Variants in ITGAL observed in about 807,000 individuals in gnomAD.
ITGAL encodes the protein integrin subunit alpha L.
In ITGAL, 68 loss-of-function variants were observed where a neutral mutation model predicts 138.4. The observed-to-expected ratio is 0.49, with a 90% CI of 0.40 to 0.60. ITGAL has a LOEUF of 0.60. ITGAL is among the 20% of genes least tolerant of loss of function. The pLI, the probability that ITGAL is intolerant of heterozygous loss-of-function variation, is 0.00. For missense variants in ITGAL, 1,256 were observed against 1,478.6 expected, an observed-to-expected ratio of 0.85 and a Z score of 2.47; for synonymous variants, 561 against 584.3, an observed-to-expected ratio of 0.96 and a Z score of 0.57.
intron 9 of ITGAL, among the ~76,000 whole-genome samples, chr16:30,486,146 T>C (rs2050643583): frequency 6.6e-6 from 1 of 152,202 alleles, no homozygotes; most frequent in Non-Finnish European, 1.5e-5. Flanking sequence ...GACTGAAAGA[T>C]ATGTGATTCC....
intron 4 of ITGAL, among the ~76,000 whole-genome samples, chr16:30,477,725 C>CA (rs755256243): frequency 0.012 from 1,562 of 130,320 alleles, 15 homozygotes; most frequent in Admixed American, 0.015. Flanking sequence ...GCCATCTCTA[C>CA]AAAAAAAAAA....
chr16:30,499,426 A>C lies in ITGAL; in HGVS notation c.2082A>C (p.Glu694Asp), dbSNP rs752831458. The C allele has an allele frequency of 6.2e-7, 1 of 1,613,994 alleles. No individual in the cohort carries two copies. Among genetic ancestry groups the C allele is most frequent in the Non-Finnish European group, 8.5e-7 (1 of 1,180,006 alleles). Reference sequence around the variant, plus strand: ...GGTTGTTCCCAGGAGGGAGACATGAACTCAGAAGGAATATAGCTGTCACCA... The same window carrying C: ...GGTTGTTCCCAGGAGGGAGACATGACCTCAGAAGGAATATAGCTGTCACCA... ...RRGLFPGGRH[E>D]LRRNIAVTTS... Residue 694 changes from glutamate (E) to aspartate (D), a missense_variant, in exon 17 of 31, where the codon GAA (glutamate) becomes GAC (aspartate). Coordinates refer to ENST00000356798, the MANE Select transcript of ITGAL (RefSeq NM_002209.3).
chr16:30,517,777 G>C lies in ITGAL; in HGVS notation c.3034-20G>C. On this transcript the variant is annotated intron_variant, in intron 27 of 30. Transcript: ENST00000356798. ...GTCGGAATGAAGCCGCCCTGACCCC[G>C]CTTTCCTCATCCTTGTCAGCCTTGT... 1 of 1,613,726 alleles carries C rather than the reference G, an allele frequency of 6.2e-7. No individual in the cohort carries two copies. Among genetic ancestry groups the C allele is most frequent in the Non-Finnish European group, 8.5e-7 (1 of 1,179,622 alleles).
intron 4 of ITGAL, among the ~76,000 whole-genome samples, chr16:30,476,571 G>A (rs2050475171): frequency 1.3e-5 from 2 of 151,310 alleles, no homozygotes; most frequent in South Asian, 4.2e-4. Flanking sequence ...GAAAATAATA[G>A]TATGCTCATA....
At chr16:30,505,081 G>A in intron 18 of ITGAL, 163 bp from the exon 19 acceptor site, 1 of 514,374 alleles carries the variant, frequency 1.9e-6, no homozygotes, top group South Asian at 4.5e-5. Context: ...GTAGGCTGAG[G>A]CAGCAGAGTG....
chr16:30,496,355 G>C, intron 14 of ITGAL, 61 bp downstream of exon 14: 1 of 1,608,730 alleles, frequency 6.2e-7, no homozygotes, highest in Non-Finnish European at 8.5e-7. Flanking sequence ...CCCAAGCCCA[G>C]ACCCCACTCC....
intron 2 of ITGAL, 41 bp downstream of exon 2, chr16:30,474,339 T>G: frequency 7.0e-7 from 1 of 1,423,086 alleles, no homozygotes; most frequent in Non-Finnish European, 9.7e-7. Context: ...ATGCCCGCCC[T>G]GGGGCAGCCC....
intron 6 of ITGAL, chr16:30,481,113 C>A: frequency 3.7e-6 from 1 of 267,444 alleles, no homozygotes. Context: ...ACCAGCCTGG[C>A]CAATATGGTG....
rs1009610144 is a variant in ITGAL, at chr16:30,474,332, C to A, written c.164+34C>A. Reference sequence around the variant, plus strand: ...TGCCCCACAAGTCCTCCTCCTGATGCCCGCCCTGGGGCAGCCCCCGAGGCG... The same window carrying A: ...TGCCCCACAAGTCCTCCTCCTGATGACCGCCCTGGGGCAGCCCCCGAGGCG... On this transcript the variant is annotated intron_variant, in intron 2 of 30. Coordinates refer to ENST00000356798, the MANE Select transcript of ITGAL (RefSeq NM_002209.3). 26 of 1,481,170 alleles carry A rather than the reference C, an allele frequency of 1.8e-5. No individual in the cohort carries two copies. In the Middle Eastern group the frequency reaches 5.3e-4, roughly 30 times the overall value. 91.8% of individuals were successfully genotyped at this position (1,481,170 alleles called of 1,614,324 possible).
At position 30,494,990 on chromosome 16, in the gene ITGAL, A is replaced by C. The variant is rs2050779331; in HGVS notation, c.1503+140A>C. 11 of 859,468 alleles carry C rather than the reference A, an allele frequency of 1.3e-5. No homozygotes were observed. Among genetic ancestry groups the C allele is most frequent in the Non-Finnish European group, 1.9e-5 (11 of 570,172 alleles). 53.2% of individuals were successfully genotyped at this position (859,468 alleles called of 1,614,324 possible). On this transcript the variant is annotated intron_variant, in intron 13 of 30. Coordinates refer to ENST00000356798, the MANE Select transcript of ITGAL (RefSeq NM_002209.3). This position sits in a 1 kb window ranked among gnomAD's most constrained non-coding sequence, Gnocchi z 4.2. ...GACAGAGAGGCAATAGCAAATCCTC[A>C]CTGGGGAAAGACTGTATGCAGGGTC... is the stretch of plus-strand genomic sequence containing the variant.
intron 15 of ITGAL, among the ~76,000 whole-genome samples, 190 bp downstream of exon 15, chr16:30,496,756 C>T (rs999027031): frequency 1.3e-5 from 2 of 151,826 alleles, no homozygotes; most frequent in Non-Finnish European, 2.9e-5. Context: ...ATCCTCCCAC[C>T]TCAGCCTCTC....
intron 4 of ITGAL, among the ~76,000 whole-genome samples, chr16:30,478,630 G>A (rs551379855): frequency 8.9e-5 from 13 of 145,608 alleles, no homozygotes; most frequent in East Asian, 4.1e-4. Context: ...CCCGGGAGGC[G>A]AAGCTTGCAG....
At chr16:30,488,587 C>T (rs1308920567) in intron 9 of ITGAL, among the ~76,000 whole-genome samples, 1 of 150,922 alleles carries the variant, frequency 6.6e-6, no homozygotes, top group African/African-American at 2.4e-5. Context: ...CCTATAATCC[C>T]AGCTACTCGG....
rs1290368726 is a variant in ITGAL at position 30,504,694 on chromosome 16, C to A, written c.2235+430C>A. Among the ~76,000 whole-genome samples the A allele has an allele frequency of 4.8e-5, 7 of 146,940 alleles. No individual in the cohort carries two copies. In the Admixed American group the frequency reaches 4.8e-4, roughly 10 times the overall value. ...CTGCCCTCCAGCCTAGGCAACAGCA[C>A]GAAACCCTGTCTCTAAAGAAGAAAA... On this transcript the variant is annotated intron_variant, in intron 18 of 30. Coordinates refer to ENST00000356798, the MANE Select transcript of ITGAL (RefSeq NM_002209.3).
intron 15 of ITGAL, among the ~76,000 whole-genome samples, chr16:30,497,801 G>A (rs1418928448): frequency 2.7e-5 from 4 of 149,800 alleles, no homozygotes; most frequent in Non-Finnish European, 4.4e-5. Context: ...TTTTTAATTG[G>A]CCAGGTATGG....
Position 30,494,822 on chromosome 16 carries a change from G to A in ITGAL, c.1475G>A (p.Gly492Asp), listed in dbSNP as rs1280859062. The A allele has an allele frequency of 1.2e-6, 2 of 1,606,586 alleles. No homozygotes were observed. Among genetic ancestry groups the A allele is most frequent in the South Asian group, 2.2e-5 (2 of 90,558 alleles). ...CTGTTCTATGGGGAGCAGAGAGGAG[G>A]CCGGGTGTTTATCTACCAGAGAAGA... ...APLFYGEQRG[G>D]RVFIYQRRQL... The change falls in exon 13 of 31, where the codon GGC becomes GAC. Residue 492 changes from glycine (G) to aspartate (D), a missense_variant. By Grantham distance (94) the Gly-to-Asp change is moderately conservative (BLOSUM62 -1). This residue lies in a region of ITGAL where 867 missense variants were observed against 972.5 expected (regional missense o/e 0.89). Transcript: ENST00000356798. This position sits in a 1 kb window ranked among gnomAD's most constrained non-coding sequence, Gnocchi z 4.2.
intron 28 of ITGAL, 41 bp downstream of exon 28, chr16:30,517,936 C>T (rs764243566): frequency 6.4e-7 from 1 of 1,567,820 alleles, no homozygotes; most frequent in East Asian, 2.2e-5. Flanking sequence ...GCTGTGGGGG[C>T]CCCAATGCCT....
intron 24 of ITGAL, among the ~76,000 whole-genome samples, chr16:30,512,104 C>T (rs550983544): frequency 7.9e-5 from 12 of 152,282 alleles, no homozygotes; most frequent in East Asian, 5.8e-4. Flanking sequence ...TGTTTACAAA[C>T]GTCCCCTTTA....
intron 7 of ITGAL, among the ~76,000 whole-genome samples, chr16:30,482,539 G>A (rs1400623703): frequency 6.6e-6 from 1 of 152,134 alleles, no homozygotes; most frequent in Non-Finnish European, 1.5e-5. Context: ...AGACTGTAGA[G>A]GGGGCAAGGG....
Sources: gnomAD v4.1 joint callset for allele counts (sites outside exome capture counted in the v4.1 genomes callset) on GRCh38, gnomAD v4.1.1 for gene constraint, gnomAD v4.1.1 regional missense constraint, Gnocchi (gnomAD v3.1) non-coding constraint, MANE v1.5 for transcripts, NCBI Gene and HGNC (gene_info 2026-07-23, HGNC 2026-07-21) for gene names.